Variants in PCNX2 observed in about 807,000 individuals in gnomAD.
PCNX2 encodes the protein pecanex-like protein 2.
A neutral mutation model predicts 223.8 loss-of-function variants in PCNX2; 168 were observed. The ratio of observed to expected loss-of-function variants is 0.75; its 90% CI spans 0.66 to 0.85. The LOEUF is 0.85. Ranked by LOEUF, PCNX2 falls within the 40% of genes least tolerant of loss-of-function variation. The pLI is 0.00. For synonymous variants in PCNX2, 1,006 were observed against 1,052.6 expected (o/e 0.96, Z 0.86); for missense variants, 2,507 against 2,675.5 (o/e 0.94, Z 1.39).
intron 15 of PCNX2, among the ~76,000 whole-genome samples, chr1:233,193,763 G>A (rs1680552488): frequency 6.6e-6 from 1 of 152,214 alleles, no homozygotes; most frequent in Admixed American, 6.5e-5. Flanking sequence ...ACATCAAATA[G>A]AAATGTTGGT....
Position 233,171,467 on chromosome 1 carries a change from C to T in PCNX2, c.3273+6335G>A, listed in dbSNP as rs77900752. 5.0e-3 allele frequency among the ~76,000 whole-genome samples: 756 copies of T among 152,188 alleles called. 4 individuals carry two copies. The highest frequency in any genetic ancestry group is 8.1e-3 in the Non-Finnish European group (553 of 68,002). On this transcript the variant is annotated intron_variant, in intron 17 of 33. Coordinates refer to ENST00000258229, the MANE Select transcript of PCNX2 (RefSeq NM_014801.4). ...ATTTTCACTAGGAGTAAAGTTCTAG[C>T]TTGGTAGTTACTTTCTTTACACATC...
intron 15 of PCNX2, among the ~76,000 whole-genome samples, chr1:233,181,804 A>G (rs1243964293): frequency 1.3e-5 from 2 of 152,304 alleles, no homozygotes; most frequent in Middle Eastern, 3.4e-3. Context: ...TTACAAGGAC[A>G]CTGATCTGAT....
intron 25 of PCNX2, among the ~76,000 whole-genome samples, chr1:233,050,486 T>C (rs902914913): frequency 1.3e-5 from 2 of 152,020 alleles, no homozygotes; most frequent in Non-Finnish European, 2.9e-5. Flanking sequence ...AACAGACACA[T>C]AGACCAATGG....
intron 23 of PCNX2, among the ~76,000 whole-genome samples, chr1:233,082,092 A>G (rs530242307): frequency 1.3e-5 from 2 of 152,188 alleles, no homozygotes; most frequent in South Asian, 2.1e-4. Context: ...CTGGGTTAAT[A>G]TCGTGGCTCA....
intron 1 of PCNX2, among the ~76,000 whole-genome samples, chr1:233,263,580 C>G (rs571205056): frequency 6.6e-6 from 1 of 151,798 alleles, no homozygotes; most frequent in Non-Finnish European, 1.5e-5. Context: ...CTCAGCCTCC[C>G]GAGGAGCTGG....
rs751490780 is a variant in PCNX2, at chr1:233,227,290, T to G, written c.2440A>C (p.Ile814Leu). ...FNREQFYKFI[I>L]FPGKWIKVWY... ...ACTTTAATCCACTTGCCAGGGAAAA[T>G]GATAAATTTGTAAAACTGCTCTCGG... is the stretch of plus-strand genomic sequence containing the variant. Residue 814 changes from isoleucine to leucine, a missense_variant, in exon 10 of 34, where the codon ATT becomes CTT. This residue lies in a region of PCNX2 where 1,031 missense variants were observed against 1,021.7 expected (regional missense o/e 1.01). Transcript: ENST00000258229. 3.8e-5 allele frequency: 61 copies of G among 1,613,362 alleles called. No homozygotes were observed. Among genetic ancestry groups the G allele is most frequent in the Middle Eastern group, 1.6e-4 (1 of 6,062 alleles).
At chr1:233,182,325 TC>T (rs1679848645) in intron 15 of PCNX2, among the ~76,000 whole-genome samples, 1 of 152,128 alleles carries the variant, frequency 6.6e-6, no homozygotes, top group Non-Finnish European at 1.5e-5. Context: ...TCAATGCTGC[TC>T]CAATTTGCTT....
chr1:233,073,602 T>TTTC (rs989500835), intron 23 of PCNX2, among the ~76,000 whole-genome samples: 22 of 151,434 alleles, frequency 1.5e-4, no homozygotes, highest in African/African-American at 4.9e-4. Context: ...TGGTAATATC[T>TTTC]TTCTTATTAT....
chr1:233,050,862 G>T (rs1671978726), intron 25 of PCNX2, among the ~76,000 whole-genome samples: 4 of 152,140 alleles, frequency 2.6e-5, no homozygotes, highest in Admixed American at 6.5e-5. Flanking sequence ...CACAGCAAAA[G>T]AAACTATCAA....
chr1:232,986,328 T>G lies in PCNX2; in HGVS notation c.6004A>C (p.Thr2002Pro). The G allele has an allele frequency of 1.3e-6, 2 of 1,590,914 alleles. No individual in the cohort carries two copies. Among genetic ancestry groups the G allele is most frequent in the Non-Finnish European group, 1.7e-6 (2 of 1,169,534 alleles). ...TSLHSQPPPV[T>P]TTGHLSVRER... ...CGGACACTCAGGTGGCCGGTGGTGG[T>G]GACGGGCGGGGGCTGAGAGTGCAGG... Residue 2002 changes from threonine (T) to proline (P), a missense_variant, in exon 33 of 34, where the codon ACC becomes CCC. Around this residue, in one of 3 missense-constraint regions of PCNX2, gnomAD observed 1,372 missense variants for 1,509.4 expected, o/e 0.91. Transcript: ENST00000258229.
chr1:233,081,054 G>C (rs981896987), intron 23 of PCNX2, among the ~76,000 whole-genome samples: 1 of 152,138 alleles, frequency 6.6e-6, no homozygotes, highest in Non-Finnish European at 1.5e-5. Context: ...CATTTAAAAA[G>C]CTACCACATC....
At chr1:233,091,886 T>A (rs1673893301) in intron 22 of PCNX2, among the ~76,000 whole-genome samples, 1 of 151,908 alleles carries the variant, frequency 6.6e-6, no homozygotes, top group Admixed American at 6.6e-5. Context: ...ATCAAAAAGA[T>A]CTCTATTGTG....
chr1:233,176,859 C>G (rs902893374), intron 17 of PCNX2, among the ~76,000 whole-genome samples: 3 of 152,016 alleles, frequency 2.0e-5, no homozygotes, highest in African/African-American at 7.2e-5. Context: ...TAAAAAAATA[C>G]AAAAAATTAG....
chr1:233,296,757 C>T (rs1662148768), upstream of PCNX2, among the ~76,000 whole-genome samples: 1 of 152,216 alleles, frequency 6.6e-6, no homozygotes, highest in Non-Finnish European at 1.5e-5. Context: ...GACTTGTGTG[C>T]CTGCCTGTGT....
intron 21 of PCNX2, among the ~76,000 whole-genome samples, chr1:233,108,813 AG>A (rs763794055): frequency 2.6e-4 from 39 of 152,202 alleles, no homozygotes; most frequent in Non-Finnish European, 1.2e-4. Context: ...CAGACAGGGG[AG>A]AGAGGAAAGC....
rs112063659 is a variant in PCNX2, at chr1:233,267,003, GT to G, written c.154-3841del. ...CTAGCTGCCTCACAGTCACTACTCT[GT>G]TTTTTTTTCTCTCTTTTCTTTAAAA... On this transcript the variant is annotated intron_variant, in intron 1 of 33. Transcript: ENST00000258229. 8.0e-3 allele frequency among the ~76,000 whole-genome samples: 1,208 copies of G among 150,800 alleles called. 21 individuals carry two copies. Among genetic ancestry groups the G allele is most frequent in the African/African-American group, 0.028 (1,143 of 41,084 alleles).
At chr1:233,172,671 T>A in intron 17 of PCNX2, 1 of 437,906 alleles carries the variant, frequency 2.3e-6, no homozygotes, top group Non-Finnish European at 3.0e-6. Context: ...GTTGGGCAAA[T>A]GCTCTTGGGG....
chr1:233,061,797 C>T (rs1224318508), intron 23 of PCNX2, among the ~76,000 whole-genome samples: 1 of 151,900 alleles, frequency 6.6e-6, no homozygotes, highest in South Asian at 2.1e-4. Flanking sequence ...CTTACTCTGT[C>T]GCCCAGGCTG....
chr1:233,295,373 G>C lies in PCNX2; in HGVS notation c.106C>G (p.Leu36Val). The C allele has an allele frequency of 6.4e-7, 1 of 1,563,308 alleles. No individual in the cohort carries two copies. Among genetic ancestry groups the C allele is most frequent in the Non-Finnish European group, 8.7e-7 (1 of 1,153,434 alleles). Residue 36 changes from leucine (L) to valine (V), a missense_variant, in exon 1 of 34, where the codon CTC becomes GTC. Leu to Val is a conservative substitution (Grantham distance 32). Around this residue, in one of 3 missense-constraint regions of PCNX2, gnomAD observed 1,031 missense variants for 1,021.7 expected, o/e 1.01. Transcript: ENST00000258229. This position sits in a 1 kb window ranked among gnomAD's most constrained non-coding sequence, Gnocchi z 4.1. ...EQSKFTNSCH[L>V]YLWLFLLLLP... ...AGCAGGAGGAACAGCCACAGGTAGAGGTGGCAGCTGTTGGTGAACTTGCTC... is the reference window on the plus strand; with the variant it reads ...AGCAGGAGGAACAGCCACAGGTAGACGTGGCAGCTGTTGGTGAACTTGCTC...
Sources: allele counts gnomAD v4.1 joint callset (sites outside exome capture counted in the v4.1 genomes callset), GRCh38; gene constraint gnomAD v4.1.1; regional missense constraint gnomAD v4.1.1; non-coding constraint Gnocchi (gnomAD v3.1); transcripts MANE v1.5; gene names NCBI Gene and HGNC (gene_info 2026-07-23, HGNC 2026-07-21).